The following NRXN3 variants were observed in gnomAD, a reference collection of about 807,000 sequenced individuals.
NRXN3 encodes the protein neurexin III.
A neutral mutation model predicts 137.6 loss-of-function variants in NRXN3; 32 were observed. That is an observed-to-expected ratio of 0.23 (90% CI 0.18 to 0.31). NRXN3 has a LOEUF of 0.31. Ranked by LOEUF, NRXN3 falls within the 10% of genes least tolerant of loss-of-function variation. The probability of loss-of-function intolerance (pLI) is 1.00; values close to 1 mark genes in which losing one functional copy is unlikely to be tolerated. For synonymous variants in NRXN3, 798 were observed against 784.5 expected (o/e 1.02, Z -0.29); for missense variants, 1,574 against 2,062.5 (o/e 0.76, Z 4.59).
chr14:78,693,099 A>AAAAC (rs1219238092), intron 6 of NRXN3, among the ~76,000 whole-genome samples: 1 of 151,950 alleles, frequency 6.6e-6, no homozygotes, highest in East Asian at 1.9e-4. Context: ...AAAACAAAAC[A>AAAAC]AAACAAACAA....
rs531402919 is a variant in NRXN3, at chr14:79,280,755, A to G, written c.3263-186466A>G. 1.6e-5 allele frequency: 9 copies of G among 560,960 alleles called. No individual in the cohort carries two copies. In the South Asian group the frequency reaches 1.9e-4, roughly 12 times the overall value. 34.7% of individuals were successfully genotyped at this position (560,960 alleles called of 1,614,324 possible). A position where few individuals can be genotyped will look rare whatever the true frequency, so the allele number is the denominator to read the frequency against. On this transcript the variant is annotated intron_variant, in intron 15 of 20. Coordinates refer to ENST00000335750, the MANE Select transcript of NRXN3 (RefSeq NM_001330195.2). ...CCGACAACCATCTCCACTTTTCTCT[A>G]AAGGGTTCTTTTCCCCTTAGCTCCC...
intron 6 of NRXN3, among the ~76,000 whole-genome samples, chr14:78,657,173 A>C (rs1360486584): frequency 6.6e-6 from 1 of 151,300 alleles, no homozygotes; most frequent in East Asian, 1.9e-4. Context: ...CTCCCATTTC[A>C]GTTTCCAAAA....
At chr14:79,642,127 G>A (rs1282618737) in intron 16 of NRXN3, among the ~76,000 whole-genome samples, 2 of 135,444 alleles carry the variant, frequency 1.5e-5, no homozygotes, top group South Asian at 2.3e-4. Flanking sequence ...TTAAAGCAGG[G>A]TATTTACCAC....
At chr14:79,597,576 G>A (rs1731364734) in intron 16 of NRXN3, among the ~76,000 whole-genome samples, 1 of 152,120 alleles carries the variant, frequency 6.6e-6, no homozygotes, top group Non-Finnish European at 1.5e-5. Context: ...TGTCCCATTT[G>A]TAATATTATT....
intron 4 of NRXN3, among the ~76,000 whole-genome samples, chr14:78,601,448 G>C (rs978201275): frequency 2.7e-5 from 4 of 149,536 alleles, no homozygotes; most frequent in African/African-American, 7.6e-5. Context: ...AGCCTGAAAA[G>C]TACTGATTCT....
At chr14:78,989,924 T>A (rs1336888539) in intron 15 of NRXN3, among the ~76,000 whole-genome samples, 2 of 152,184 alleles carry the variant, frequency 1.3e-5, no homozygotes, top group East Asian at 3.9e-4. Context: ...CTTTGACAAG[T>A]TCCTGTCTGT....
intron 4 of NRXN3, chr14:78,403,937 C>T: frequency 1.0e-6 from 1 of 954,244 alleles, no homozygotes; most frequent in Non-Finnish European, 1.2e-6. Context: ...TGGGGGTGGG[C>T]TGTTCCCCAT....
intron 1 of NRXN3, among the ~76,000 whole-genome samples, chr14:78,206,098 A>T (rs1304320629): frequency 6.6e-6 from 1 of 152,154 alleles, no homozygotes. Context: ...GTTGGGGCAT[A>T]TTGTGTTTGC....
At chr14:79,290,030 C>A (rs1258666146) in intron 15 of NRXN3, among the ~76,000 whole-genome samples, 1 of 152,110 alleles carries the variant, frequency 6.6e-6, no homozygotes, top group Non-Finnish European at 1.5e-5. Flanking sequence ...CTCACCCCCC[C>A]ACGTTAAAAC....
rs548338844 is a variant in NRXN3, at chr14:79,770,824, A to G, written c.4015-34288A>G. 7.2e-5 allele frequency among the ~76,000 whole-genome samples: 11 copies of G among 152,130 alleles called. 1 individual carries two copies. In the South Asian group the frequency reaches 2.3e-3, roughly 32 times the overall value. On this transcript the variant is annotated intron_variant, in intron 19 of 20. Transcript: ENST00000335750. ...ACACAAAAAACCCTTCAAAAAATTAATGAATCCAGGAGCTGGTTTTTTGAA... is the reference window on the plus strand; with the variant it reads ...ACACAAAAAACCCTTCAAAAAATTAGTGAATCCAGGAGCTGGTTTTTTGAA...
intron 20 of NRXN3, among the ~76,000 whole-genome samples, chr14:79,860,484 A>G (rs2099411958): frequency 6.6e-6 from 1 of 152,240 alleles, no homozygotes; most frequent in African/African-American, 2.4e-5. Flanking sequence ...AAGGACTGTG[A>G]TTAATAAGTG....
intron 19 of NRXN3, among the ~76,000 whole-genome samples, chr14:79,757,338 A>T (rs538169230): frequency 1.3e-5 from 2 of 152,180 alleles, no homozygotes; most frequent in Non-Finnish European, 2.9e-5. Flanking sequence ...GGGAAATAAG[A>T]CCACCTTGGT....
chr14:78,278,407 C>G (rs1396360603), intron 2 of NRXN3, among the ~76,000 whole-genome samples: 1 of 152,180 alleles, frequency 6.6e-6, no homozygotes, highest in African/African-American at 2.4e-5. Flanking sequence ...GTGAAGCTTA[C>G]CTCTCTTGCT....
At chr14:78,969,465 C>T (rs1398760242) in intron 14 of NRXN3, among the ~76,000 whole-genome samples, 1 of 152,080 alleles carries the variant, frequency 6.6e-6, no homozygotes, top group African/African-American at 2.4e-5. Flanking sequence ...TTTGGTTGAG[C>T]CTTATGGTCC....
intron 15 of NRXN3, among the ~76,000 whole-genome samples, chr14:79,056,134 A>C (rs2099661570): frequency 6.6e-6 from 1 of 152,170 alleles, no homozygotes; most frequent in Non-Finnish European, 1.5e-5. Context: ...GAATGCATAG[A>C]AGAACACAGA....
chr14:78,957,550 T>C (rs183063734), intron 11 of NRXN3, among the ~76,000 whole-genome samples, 189 bp downstream of exon 11: 4 of 152,338 alleles, frequency 2.6e-5, no homozygotes, highest in Admixed American at 2.6e-4. Flanking sequence ...TTCATCAATG[T>C]GCGTTATGGA....
intron 1 of NRXN3, among the ~76,000 whole-genome samples, chr14:78,178,103 A>T (rs920667782): frequency 2.0e-5 from 3 of 152,216 alleles, no homozygotes; most frequent in African/African-American, 7.2e-5. Context: ...GTTAAGTAAC[A>T]TGTCCAAGGC....
chr14:78,332,682 G>C (rs1253988051), intron 4 of NRXN3, among the ~76,000 whole-genome samples: 2 of 152,196 alleles, frequency 1.3e-5, no homozygotes, highest in Non-Finnish European at 1.5e-5. Context: ...GGCTTTAAGT[G>C]TCATCTAACC....
chr14:78,493,373 A>T (rs63079061), intron 4 of NRXN3, among the ~76,000 whole-genome samples: 1 of 144,570 alleles, frequency 6.9e-6, no homozygotes, highest in Non-Finnish European at 1.5e-5. Context: ...AAAAAAAAAA[A>T]TTAGCCAGGC....
Sources: gnomAD v4.1 joint callset for allele counts (sites outside exome capture counted in the v4.1 genomes callset) on GRCh38, gnomAD v4.1.1 for gene constraint, MANE v1.5 for transcripts, NCBI Gene and HGNC (gene_info 2026-07-23, HGNC 2026-07-21) for gene names.